The following SNTG1 variants were observed in gnomAD, a reference collection of about 807,000 sequenced individuals.
SNTG1 encodes the protein syntrophin gamma 1.
In SNTG1, 39 loss-of-function variants were observed where a neutral mutation model predicts 74.7. The observed-to-expected ratio is 0.52, with a 90% CI of 0.40 to 0.68. The LOEUF is 0.68. SNTG1 is among the 30% of genes least tolerant of loss of function. The pLI is 0.00. For missense variants in SNTG1, 685 were observed against 609.5 expected (o/e 1.12, Z -1.30); for synonymous variants, 254 against 217.1 (o/e 1.17, Z -1.49).
intron 2 of SNTG1, among the ~76,000 whole-genome samples, chr8:50,279,828 C>T (rs992347482): frequency 3.3e-5 from 5 of 152,046 alleles, no homozygotes; most frequent in Admixed American, 1.3e-4. Context: ...GGGAAATAGC[C>T]AGGAAAAGTA....
intron 1 of SNTG1, among the ~76,000 whole-genome samples, chr8:50,104,369 C>G (rs898973442): frequency 6.6e-6 from 1 of 152,158 alleles, no homozygotes; most frequent in East Asian, 1.9e-4. Context: ...GAAGTATTCT[C>G]TGATGGTAGT....
At chr8:50,769,932 T>C (rs1410499619) in intron 18 of SNTG1, among the ~76,000 whole-genome samples, 1 of 152,106 alleles carries the variant, frequency 6.6e-6, no homozygotes, top group African/African-American at 2.4e-5. Flanking sequence ...GGCAATGTAA[T>C]AAGTTTCTAT....
intron 13 of SNTG1, among the ~76,000 whole-genome samples, chr8:50,611,516 A>G (rs75570431): frequency 6.6e-6 from 1 of 152,172 alleles, no homozygotes; most frequent in Non-Finnish European, 1.5e-5. Flanking sequence ...TTTTATTCAG[A>G]AAAAAGGCAT....
At chr8:50,662,532 C>G (rs545430353) in intron 15 of SNTG1, among the ~76,000 whole-genome samples, 2 of 152,244 alleles carry the variant, frequency 1.3e-5, no homozygotes, top group East Asian at 3.9e-4. Flanking sequence ...AGTAAATAGC[C>G]TAAGGTCACA....
chr8:50,774,794 T>C (rs1386689181), intron 18 of SNTG1, among the ~76,000 whole-genome samples: 1 of 151,620 alleles, frequency 6.6e-6, no homozygotes, highest in East Asian at 1.9e-4. Flanking sequence ...GTAAAGTGTA[T>C]GACAATAATA....
At position 50,155,034 on chromosome 8, in the gene SNTG1, A is replaced by G. The variant is rs550014209; in HGVS notation, c.-102-17527A>G. On this transcript the variant is annotated intron_variant, in intron 1 of 18. Transcript: ENST00000642720. ...AACTTTTTTCTATGAAATTATTTCA[A>G]AGTAAAAATTCAATTGAAATAATTT... Among the ~76,000 whole-genome samples the G allele has an allele frequency of 1.3e-4, 20 of 152,342 alleles. No homozygotes were observed. The South Asian group carries it at 4.1e-3, about 32-fold the overall frequency.
In SNTG1 at chr8:50,060,205, G is replaced by T. The variant is rs191688754; in HGVS notation, c.-102-112356G>T. ...ACCATTTTAAAAAATTGGGTCGTTT[G>T]TCTGCTTATCACCAAGTAGTAATTA... is the stretch of plus-strand genomic sequence containing the variant. On this transcript the variant is annotated intron_variant, in intron 1 of 18. Transcript: ENST00000642720. 5.3e-5 allele frequency among the ~76,000 whole-genome samples: 8 copies of T among 152,116 alleles called. No individual in the cohort carries two copies. In the South Asian group the frequency reaches 1.2e-3, roughly 24 times the overall value.
At chr8:49,918,400 C>A (rs73569305) in intron 1 of SNTG1, among the ~76,000 whole-genome samples, 1,534 of 152,196 alleles carry the variant, frequency 0.01, 29 homozygotes, top group African/African-American at 0.034. Flanking sequence ...CAGATAATAA[C>A]CTTGATTAAC....
intron 1 of SNTG1, among the ~76,000 whole-genome samples, chr8:50,050,046 C>T (rs563020830): frequency 1.4e-4 from 21 of 150,002 alleles, no homozygotes; most frequent in Admixed American, 2.6e-4. Context: ...CCTTAGGAAA[C>T]GAGAAAAATA....
intron 17 of SNTG1, chr8:50,747,701 C>G (rs1056895042): frequency 6.6e-6 from 1 of 151,872 alleles, no homozygotes; most frequent in African/African-American, 2.4e-5. Flanking sequence ...ATTTCAAAAA[C>G]AAAAATTTTC....
chr8:50,658,567 A>G (rs1181120666), intron 14 of SNTG1, 25 bp from the exon 15 acceptor site: 1 of 1,521,408 alleles, frequency 6.6e-7, no homozygotes, highest in Admixed American at 1.8e-5. Flanking sequence ...AAACAAATTA[A>G]ACATTATTTT....
chr8:50,757,446 A>C (rs548500958), intron 18 of SNTG1, among the ~76,000 whole-genome samples: 2 of 151,766 alleles, frequency 1.3e-5, no homozygotes, highest in Non-Finnish European at 2.9e-5. Flanking sequence ...TTTTCCCTAA[A>C]CCTTTCCTTG....
At chr8:50,177,689 C>G (rs966863238) in intron 2 of SNTG1, among the ~76,000 whole-genome samples, 1 of 152,192 alleles carries the variant, frequency 6.6e-6, no homozygotes, top group African/African-American at 2.4e-5. Context: ...CCTGCATACA[C>G]AGCCCCACAC....
At chr8:50,384,619 A>G (rs540119377) in intron 2 of SNTG1, among the ~76,000 whole-genome samples, 8 of 152,162 alleles carry the variant, frequency 5.3e-5, no homozygotes, top group Admixed American at 6.6e-5. Flanking sequence ...GGCTGTAACC[A>G]TGTTGGCCTT....
At chr8:49,998,283 A>C (rs770401410) in intron 1 of SNTG1, among the ~76,000 whole-genome samples, 1 of 152,164 alleles carries the variant, frequency 6.6e-6, no homozygotes, top group Non-Finnish European at 1.5e-5. Context: ...GTGGTGACTG[A>C]ATGTGAAGGC....
rs942361985 is a variant in SNTG1, at chr8:50,120,422, GTAC to G, written c.-102-52129_-102-52127del. 1.4e-5 allele frequency among the ~76,000 whole-genome samples: 2 copies of G among 138,248 alleles called. 1 individual carries two copies. The highest frequency in any genetic ancestry group is 1.5e-4 in the Admixed American group (2 of 13,278). The allele number at this position is 138,248 out of a possible 152,430, so 90.7% of individuals were successfully genotyped here. On this transcript the variant is annotated intron_variant, in intron 1 of 18. Transcript: ENST00000642720. The stretch of plus-strand genomic sequence containing the variant: ...ACCATAACTACTACTATCCCTACTA[GTAC>G]TACTACTACCACCACCACCCTACTG...
At chr8:50,042,130 T>G (rs1474672086) in intron 1 of SNTG1, among the ~76,000 whole-genome samples, 1 of 152,220 alleles carries the variant, frequency 6.6e-6, no homozygotes, top group Non-Finnish European at 1.5e-5. Flanking sequence ...ATTTTTTTGG[T>G]CATCAGCCTT....
At position 50,647,255 on chromosome 8, in the gene SNTG1, G is replaced by T. The variant is rs187246764; in HGVS notation, c.850-9654G>T. Among the ~76,000 whole-genome samples the T allele has an allele frequency of 2.0e-5, 3 of 152,010 alleles. No homozygotes were observed. The East Asian group carries it at 5.8e-4, about 29-fold the overall frequency. ...AAATCATCTGCTCTATGAATAATAG[G>T]GTCATGAACATGAGAATACAGGCTA... On this transcript the variant is annotated intron_variant, in intron 13 of 18. Coordinates refer to ENST00000642720, the MANE Select transcript of SNTG1 (RefSeq NM_018967.5).
At chr8:50,474,364 C>CA (rs1328312333) in intron 8 of SNTG1, among the ~76,000 whole-genome samples, 1 of 148,396 alleles carries the variant, frequency 6.7e-6, no homozygotes, top group East Asian at 2.0e-4. Flanking sequence ...ACAATGAACT[C>CA]AAACAAATTT....
Sources: gnomAD v4.1 joint callset for allele counts (sites outside exome capture counted in the v4.1 genomes callset) on GRCh38, gnomAD v4.1.1 for gene constraint, MANE v1.5 for transcripts, NCBI Gene and HGNC (gene_info 2026-07-23, HGNC 2026-07-21) for gene names.